TRIP11: variants seen among roughly 807,000 people sequenced by gnomAD.
TRIP11 encodes the protein thyroid receptor-interacting protein 11.
Under a neutral mutation model 223.1 loss-of-function variants are expected in TRIP11, and 148 were observed. The ratio of observed to expected loss-of-function variants is 0.66; its 90% confidence interval spans 0.58 to 0.76. The LOEUF (loss-of-function observed/expected upper bound fraction) is 0.76, where lower values mean the gene tolerates loss of function less well. TRIP11 is among the 30% of genes least tolerant of loss of function. The pLI is 0.00. For missense variants in TRIP11, 2,043 were observed against 2,222.0 expected, an observed-to-expected ratio of 0.92 and a Z score of 1.62; for synonymous variants, 762 against 772.6, an observed-to-expected ratio of 0.99 and a Z score of 0.23.
In TRIP11 at chr14:92,014,495, C is replaced by G; in HGVS notation, c.906G>C (p.Val302=). The G allele has an allele frequency of 6.3e-7, 1 of 1,595,766 alleles. No homozygotes were observed. The highest frequency in any genetic ancestry group is 8.5e-7 in the Non-Finnish European group (1 of 1,175,226). Residue 302 remains valine, a synonymous_variant, in exon 7 of 21, where the codon GTG becomes GTC. Transcript: ENST00000267622. ...KTIQVLQIEK[V]ESTKKMEQLE... is the part of the protein sequence containing the mutation. ...GTTGTTCCATTTTTTTGGTAGACTC[C>G]ACTTTTTCTATTTGTAGAACTTGAA...
intron 1 of TRIP11, among the ~76,000 whole-genome samples, chr14:92,035,314 C>A (rs899911081): frequency 1.3e-5 from 2 of 151,122 alleles, no homozygotes. Context: ...GAGCAAGACT[C>A]GGTCTCAAAA....
rs934414896 is a variant in TRIP11 at position 92,039,840 on chromosome 14, C to T, written c.-155G>A. On this transcript the variant is annotated 5_prime_UTR_variant, in exon 1 of 21. Coordinates refer to ENST00000267622, the MANE Select transcript of TRIP11 (RefSeq NM_004239.4). ...TCTCAGGCAAGGCCGACTCCAGGTT[C>T]TGCCTAGAAACGCAGAGGCCTGGCC... The T allele has an allele frequency of 1.3e-5, 20 of 1,501,318 alleles. No individual in the cohort carries two copies. The highest frequency in any genetic ancestry group is 1.9e-4 in the Middle Eastern group (1 of 5,226). 93.0% of individuals were successfully genotyped at this position (1,501,318 alleles called of 1,614,324 possible).
chr14:92,029,293 T>A (rs963502094), intron 2 of TRIP11, among the ~76,000 whole-genome samples: 3,976 of 77,534 alleles, frequency 0.051, 119 homozygotes, highest in South Asian at 0.23. Flanking sequence ...TTTTTTTTTT[T>A]TTTTTTTTTT....
chr14:91,995,523 C>T lies in TRIP11; in HGVS notation c.4893-8G>A, dbSNP rs2056739048. ...TGCACACTGGCTTGATGGCTTCAAACAAAAAGAATAAAAGTCAAACTGCTT... is the reference window on the plus strand; with the variant it reads ...TGCACACTGGCTTGATGGCTTCAAATAAAAAGAATAAAAGTCAAACTGCTT... On this transcript the variant is annotated splice_polypyrimidine_tract_variant and splice_region_variant and intron_variant, in intron 13 of 20. Transcript: ENST00000267622. 6.2e-7 allele frequency: 1 copy of T among 1,613,344 alleles called. No individual in the cohort carries two copies. The highest frequency in any genetic ancestry group is 8.5e-7 in the Non-Finnish European group (1 of 1,179,690).
chr14:92,013,532 T>G (rs2056999028), intron 7 of TRIP11, among the ~76,000 whole-genome samples: 1 of 152,198 alleles, frequency 6.6e-6, no homozygotes, highest in African/African-American at 2.4e-5. Flanking sequence ...AGAGCTGCCA[T>G]AGTTAACATA....
chr14:91,969,771 G>A lies in TRIP11; in HGVS notation c.5842C>T (p.Leu1948=). 1.9e-6 allele frequency: 3 copies of A among 1,614,108 alleles called. No homozygotes were observed. The highest frequency in any genetic ancestry group is 2.5e-6 in the Non-Finnish European group (3 of 1,180,020). The change falls in exon 21 of 21, where the codon CTG becomes TTG. Residue 1948 remains leucine (L), a synonymous_variant. Coordinates refer to ENST00000267622, the MANE Select transcript of TRIP11 (RefSeq NM_004239.4). ...GGCAAAACATCTGAGATGGGTTTCA[G>A]AAGAAGATGCCCGGGCCCACCAGGT... ...LGPGGPGHLL[L]KPISDVLPTF...
chr14:92,017,637 G>T, intron 5 of TRIP11, 45 bp downstream of exon 5: 8 of 1,462,192 alleles, frequency 5.5e-6, no homozygotes, highest in South Asian at 2.3e-5. Flanking sequence ...TTAATAAGCA[G>T]ATTTAGATGT....
At chr14:91,979,665 G>A (rs953624249) in intron 16 of TRIP11, among the ~76,000 whole-genome samples, 3 of 152,066 alleles carry the variant, frequency 2.0e-5, no homozygotes, top group Admixed American at 6.6e-5. Context: ...GAGTCTAGGG[G>A]GAAAAACTCA....
chr14:92,003,463 C>T lies in TRIP11; in HGVS notation c.4513G>A (p.Glu1505Lys), dbSNP rs1287617268. The change falls in exon 11 of 21, where the codon GAG becomes AAG. Residue 1505 changes from glutamate to lysine, a missense_variant. Coordinates refer to ENST00000267622, the MANE Select transcript of TRIP11 (RefSeq NM_004239.4). ...AGCTGTTCAAAAGCAAGAGCCTTCT[C>T]CTTCATTGAGTGGCACTCAAACTCT... ...EKEFECHSMK[E>K]KALAFEQLLK... The T allele has an allele frequency of 1.4e-5, 22 of 1,613,930 alleles. No homozygotes were observed. The highest frequency in any genetic ancestry group is 1.9e-5 in the Non-Finnish European group (22 of 1,180,026).
chr14:92,003,881 A>C lies in TRIP11; in HGVS notation c.4095T>G (p.Thr1365=). The C allele has an allele frequency of 6.2e-7, 1 of 1,613,778 alleles. No individual in the cohort carries two copies. Among genetic ancestry groups the C allele is most frequent in the Non-Finnish European group, 8.5e-7 (1 of 1,179,992 alleles). Residue 1365 remains threonine (T), a synonymous_variant, in exon 11 of 21, where the codon ACT becomes ACG. Transcript: ENST00000267622. ...ACAATCTGTGGTTATTTTCCTGGAGAGTTCTAATTGTTGCATCTTTTTCCT... is the reference window on the plus strand; with the variant it reads ...ACAATCTGTGGTTATTTTCCTGGAGCGTTCTAATTGTTGCATCTTTTTCCT... ...SLQEKDATIR[T]LQENNHRLSD...
rs752274839 is a variant in TRIP11, at chr14:92,039,610, G to C, written c.76C>G (p.Leu26Val). ...GTAAAGTTTGATATCTGGCCAGTGA[G>C]GGAAGCCAGGCTGCCCCCGACTTGA... ...LGQVGGSLAS[L>V]TGQISNFTKD... Residue 26 changes from leucine to valine, a missense_variant, in exon 1 of 21, where the codon CTC (leucine) becomes GTC (valine). By Grantham distance (32) the Leu-to-Val change is conservative. Transcript: ENST00000267622. 5.0e-6 allele frequency: 8 copies of C among 1,613,226 alleles called. No homozygotes were observed. The highest frequency in any genetic ancestry group is 4.4e-5 in the South Asian group (4 of 90,792).
At chr14:92,008,995 C>T (rs894914699) in intron 9 of TRIP11, among the ~76,000 whole-genome samples, 11 of 152,050 alleles carry the variant, frequency 7.2e-5, no homozygotes, top group African/African-American at 2.4e-4. Flanking sequence ...AACAGAGATC[C>T]GATAAAAGCT....
At chr14:91,998,461 T>C (rs2056778237) in intron 13 of TRIP11, among the ~76,000 whole-genome samples, 2 of 152,144 alleles carry the variant, frequency 1.3e-5, no homozygotes, top group South Asian at 2.1e-4. Flanking sequence ...CCACAAAATA[T>C]TGCAAACATA....
intron 8 of TRIP11, among the ~76,000 whole-genome samples, 177 bp from the exon 9 acceptor site, chr14:92,011,249 T>C (rs183060279): frequency 6.6e-6 from 1 of 152,178 alleles, no homozygotes; most frequent in East Asian, 1.9e-4. Context: ...CCCAGCACTT[T>C]GGGAGGCTGA....
intron 4 of TRIP11, among the ~76,000 whole-genome samples, chr14:92,018,977 A>C (rs894125832): frequency 9.7e-4 from 145 of 149,520 alleles, no homozygotes; most frequent in Admixed American, 1.6e-3. Flanking sequence ...AAAAAAAAAA[A>C]ACAAAAAAAA....
chr14:92,015,306 C>T (rs1659811690), intron 6 of TRIP11, among the ~76,000 whole-genome samples: 2 of 152,096 alleles, frequency 1.3e-5, no homozygotes, highest in African/African-American at 2.4e-5. Context: ...CAGCACTGTC[C>T]TGGTCTTAGA....
intron 4 of TRIP11, among the ~76,000 whole-genome samples, chr14:92,020,499 T>A (rs1440994764): frequency 6.6e-6 from 1 of 152,086 alleles, no homozygotes; most frequent in Non-Finnish European, 1.5e-5. Flanking sequence ...TCATTTTACA[T>A]GTAACTAGAG....
chr14:92,005,687 A>G lies in TRIP11; in HGVS notation c.2289T>C (p.His763=), dbSNP rs758983683. ...CTTTCTTTTGATTGAGTTTAATTAA[A>G]TGCTCATGTTCCAGCTGTAAGGCAG... ...NTSALQLEHE[H]LIKLNQKKDM... The change falls in exon 11 of 21, where the codon CAT becomes CAC. Residue 763 remains histidine (H), a synonymous_variant. Transcript: ENST00000267622. 11 of 1,613,822 alleles carry G rather than the reference A, an allele frequency of 6.8e-6. No individual in the cohort carries two copies. Among genetic ancestry groups the G allele is most frequent in the Admixed American group, 5.0e-5 (3 of 60,016 alleles).
At chr14:91,992,177 A>C (rs1379926184) in intron 15 of TRIP11, among the ~76,000 whole-genome samples, 1 of 151,830 alleles carries the variant, frequency 6.6e-6, no homozygotes, top group Non-Finnish European at 1.5e-5. Context: ...AATATGCAAA[A>C]CCAAACAATG....
Sources: gnomAD v4.1 joint callset for allele counts (sites outside exome capture counted in the v4.1 genomes callset) on GRCh38, gnomAD v4.1.1 for gene constraint, MANE v1.5 for transcripts, NCBI Gene and HGNC (gene_info 2026-07-23, HGNC 2026-07-21) for gene names.